Variants in TVP23A observed in about 807,000 individuals in gnomAD.
TVP23A encodes the protein trans-golgi network vesicle protein 23 homolog A, also known as Golgi apparatus membrane protein TVP23 homolog A.
TVP23A carries 21 observed loss-of-function variants against 31.7 expected under a neutral mutation model. The observed-to-expected ratio is 0.66, with a 90% CI of 0.47 to 0.95. The LOEUF is 0.95. Among genes scored for constraint, TVP23A ranks in the 40% least tolerant of loss-of-function variants. TVP23A has a pLI of 0.00. For missense variants in TVP23A, 279 were observed against 255.6 expected, an observed-to-expected ratio of 1.09 and a Z score of -0.62; for synonymous variants, 104 against 96.0, an observed-to-expected ratio of 1.08 and a Z score of -0.49.
chr16:10,775,972 C>T (rs1031248362), intron 2 of TVP23A, among the ~76,000 whole-genome samples: 3 of 151,334 alleles, frequency 2.0e-5, no homozygotes, highest in Non-Finnish European at 2.9e-5. Flanking sequence ...TGGTTTCGAA[C>T]TCCTGACCTC....
chr16:10,787,174 T>A (rs74326571), intron 2 of TVP23A, among the ~76,000 whole-genome samples: 1 of 152,176 alleles, frequency 6.6e-6, no homozygotes, highest in African/African-American at 2.4e-5. Flanking sequence ...TTGCTGGGTA[T>A]GCAGTCCTGG....
chr16:10,762,630 G>T (rs552741112), downstream of TVP23A, among the ~76,000 whole-genome samples: 1 of 152,350 alleles, frequency 6.6e-6, no homozygotes, highest in South Asian at 2.1e-4. Context: ...GGTCTGAGGG[G>T]AGAACAGAGA....
intron 2 of TVP23A, among the ~76,000 whole-genome samples, chr16:10,793,239 G>A (rs2033202179): frequency 6.6e-6 from 1 of 152,156 alleles, no homozygotes; most frequent in African/African-American, 2.4e-5. Context: ...TCGCACCACT[G>A]CACTCCAGCC....
chr16:10,758,465 C>G (rs1312525340), downstream of TVP23A, among the ~76,000 whole-genome samples: 1 of 152,196 alleles, frequency 6.6e-6, no homozygotes, highest in African/African-American at 2.4e-5. Flanking sequence ...CGAGTGAGGC[C>G]TTGTCCCAAA....
At chr16:10,793,901 C>CAAAAA (rs61392688) in intron 2 of TVP23A, among the ~76,000 whole-genome samples, 67 of 39,188 alleles carry the variant, frequency 1.7e-3, no homozygotes, top group Middle Eastern at 0.028. Context: ...CCTGTCTCAC[C>CAAAAA]AAAAAAAAAA....
chr16:10,806,736 A>G (rs1262659507), intron 2 of TVP23A, among the ~76,000 whole-genome samples: 2 of 152,164 alleles, frequency 1.3e-5, no homozygotes, highest in African/African-American at 4.8e-5. Flanking sequence ...TCCTGAGCTC[A>G]GGCAACCCAC....
Position 10,768,542 on chromosome 16 carries a change from G to T in TVP23A, c.*560C>A. 1 of 157,068 alleles carries T rather than the reference G, an allele frequency of 6.4e-6. No homozygotes were observed. The highest frequency in any genetic ancestry group is 1.4e-5 in the Non-Finnish European group (1 of 71,330). 9.7% of individuals were successfully genotyped at this position (157,068 alleles called of 1,614,324 possible). A position where few individuals can be genotyped will look rare whatever the true frequency, so the allele number is the denominator to read the frequency against. The stretch of plus-strand genomic sequence containing the variant: ...GAATCGCTTGAACCTGGGAGGCGGA[G>T]GCTGCAGTAAGGCGAGATCGCGCCA... On this transcript the variant is annotated 3_prime_UTR_variant, in exon 8 of 8. Transcript: ENST00000299866. The surrounding 1 kb of genome is among the most constrained non-coding windows in gnomAD (Gnocchi z 4.3).
intron 2 of TVP23A, among the ~76,000 whole-genome samples, chr16:10,794,258 A>C (rs2033265356): frequency 6.6e-6 from 1 of 152,118 alleles, no homozygotes; most frequent in Non-Finnish European, 1.5e-5. Context: ...AAATATTCAA[A>C]CCATAACAGT....
chr16:10,761,883 G>T, downstream of TVP23A: 5 of 1,566,632 alleles, frequency 3.2e-6, no homozygotes, highest in Non-Finnish European at 4.4e-6. Context: ...GTGTGGGGCG[G>T]CACCTCACTC....
chr16:10,817,611 G>T (rs1567324543), intron 2 of TVP23A, among the ~76,000 whole-genome samples: 1 of 152,184 alleles, frequency 6.6e-6, no homozygotes, highest in Non-Finnish European at 1.5e-5. Context: ...CACTTGTCCA[G>T]CCCACTGCCA....
rs375493435 is a variant in TVP23A, at chr16:10,778,698, GC to G, written c.90-3603del. On this transcript the variant is annotated intron_variant, in intron 2 of 7. Transcript: ENST00000299866. ...AAAAGATAGAGGGTCGGGCGCGGTGGCCCATGCCTATAATCCCAGCACTTTG... is the reference window on the plus strand; with the variant it reads ...AAAAGATAGAGGGTCGGGCGCGGTGGCCATGCCTATAATCCCAGCACTTTG... Among the ~76,000 whole-genome samples, 715 of 151,950 alleles carry G rather than the reference GC, an allele frequency of 4.7e-3. 1 individual carries two copies. Among genetic ancestry groups the G allele is most frequent in the Non-Finnish European group, 8.6e-3 (587 of 67,990 alleles).
chr16:10,816,386 T>A (rs1054634684), intron 2 of TVP23A, among the ~76,000 whole-genome samples: 1 of 151,282 alleles, frequency 6.6e-6, no homozygotes, highest in African/African-American at 2.4e-5. Flanking sequence ...CAGACTGGAG[T>A]GTAGTGGTGT....
intron 2 of TVP23A, among the ~76,000 whole-genome samples, chr16:10,776,756 T>C (rs1334238899): frequency 6.6e-6 from 1 of 152,180 alleles, no homozygotes; most frequent in Non-Finnish European, 1.5e-5. Flanking sequence ...TGGTTGCCCA[T>C]TTTTATGGCT....
At chr16:10,805,233 T>C (rs1292629474) in intron 2 of TVP23A, among the ~76,000 whole-genome samples, 7 of 152,020 alleles carry the variant, frequency 4.6e-5, no homozygotes, top group Non-Finnish European at 1.0e-4. Context: ...GGTTTCACCA[T>C]GTTGGCTAGG....
chr16:10,769,327 T>G, intron 7 of TVP23A: 1 of 475,814 alleles, frequency 2.1e-6, no homozygotes, highest in Non-Finnish European at 3.7e-6. Flanking sequence ...TGTGCCGTTT[T>G]AAGAATAAAA....
intron 2 of TVP23A, among the ~76,000 whole-genome samples, chr16:10,814,537 G>A (rs13333057): frequency 0.49 from 73,893 of 151,712 alleles, 19,339 homozygotes; most frequent in Non-Finnish European, 0.58. Flanking sequence ...CCTTTCCTCT[G>A]TCATCCCTGC....
At chr16:10,766,671 CAAAG>C (rs562854923) in exon 8 of TVP23A, 211 of 316,204 alleles carry the variant, frequency 6.7e-4, 2 homozygotes, top group African/African-American at 4.1e-3. The surrounding 1 kb of genome is among the most constrained non-coding windows in gnomAD (Gnocchi z 4.8). Flanking sequence ...ACAAAACGCA[CAAAG>C]AAAGGAAGGA....
At chr16:10,761,233 C>T in exon 9 of TVP23A, 1 of 749,064 alleles carries the variant, frequency 1.3e-6, no homozygotes, top group Non-Finnish European at 2.2e-6. Flanking sequence ...CAGAGCCAAA[C>T]CCTATCAGGG....
chr16:10,766,914 T>G lies in TVP23A; in HGVS notation c.*2188A>C. 2.5e-6 allele frequency: 1 copy of G among 398,674 alleles called. No homozygotes were observed. The highest frequency in any genetic ancestry group is 4.4e-6 in the Non-Finnish European group (1 of 226,092). The allele number at this position is 398,674 out of a possible 1,614,324, so 24.7% of individuals were successfully genotyped here. A position where few individuals can be genotyped will look rare whatever the true frequency, so the allele number is the denominator to read the frequency against. ...ATGGCTCAAGTGCGAATTGGCCTTATGTTCCCTGCCTCTGGACCCTATTTT... is the reference window on the plus strand; with the variant it reads ...ATGGCTCAAGTGCGAATTGGCCTTAGGTTCCCTGCCTCTGGACCCTATTTT... On this transcript the variant is annotated 3_prime_UTR_variant, in exon 8 of 8. Coordinates refer to ENST00000299866, the MANE Select transcript of TVP23A (RefSeq NM_001079512.4). This position sits in a 1 kb window ranked among gnomAD's most constrained non-coding sequence, Gnocchi z 4.8.
Sources: allele counts gnomAD v4.1 joint callset (sites outside exome capture counted in the v4.1 genomes callset), GRCh38; gene constraint gnomAD v4.1.1; non-coding constraint Gnocchi (gnomAD v3.1); transcripts MANE v1.5; gene names NCBI Gene and HGNC (gene_info 2026-07-23, HGNC 2026-07-21).